DTNA: variants seen among roughly 807,000 people sequenced by gnomAD.
DTNA encodes dystrobrevin alpha, also known as dystrophin-related protein 3.
In DTNA, 43 loss-of-function variants were observed where a neutral mutation model predicts 100.7. The ratio of observed to expected loss-of-function variants is 0.43; its 90% CI spans 0.33 to 0.55. DTNA has a LOEUF of 0.55. Ranked by LOEUF, DTNA falls within the 20% of genes least tolerant of loss-of-function variation. DTNA has a pLI of 0.04. For missense variants in DTNA, 798 were observed against 953.9 expected (o/e 0.84, Z 2.15); for synonymous variants, 349 against 347.9 (o/e 1.00, Z -0.04).
At chr18:34,566,486 T>C (rs1351979549) in intron 1 of DTNA, among the ~76,000 whole-genome samples, 1 of 152,224 alleles carries the variant, frequency 6.6e-6, no homozygotes, top group East Asian at 1.9e-4. Context: ...CTTCCCTTCA[T>C]AACACCCAAT....
At chr18:34,568,135 T>A (rs888325711) in intron 1 of DTNA, among the ~76,000 whole-genome samples, 2 of 151,996 alleles carry the variant, frequency 1.3e-5, no homozygotes, top group Non-Finnish European at 2.9e-5. Flanking sequence ...TCACACTAGA[T>A]GAAGGGTAAT....
chr18:34,625,668 G>A (rs1343260275), intron 1 of DTNA, among the ~76,000 whole-genome samples: 1 of 152,108 alleles, frequency 6.6e-6, no homozygotes, highest in African/African-American at 2.4e-5. Context: ...GTATGCAAAA[G>A]AATAAAAAGT....
chr18:34,518,053 T>C (rs987637073), intron 1 of DTNA, among the ~76,000 whole-genome samples: 15 of 152,176 alleles, frequency 9.9e-5, no homozygotes, highest in African/African-American at 3.6e-4. Context: ...CCATAAACAA[T>C]GTGTGAGGGA....
At chr18:34,877,320 C>T (rs886374247) in intron 18 of DTNA, among the ~76,000 whole-genome samples, 3 of 152,104 alleles carry the variant, frequency 2.0e-5, no homozygotes, top group Non-Finnish European at 2.9e-5. Flanking sequence ...GCTAGGAAGG[C>T]GCAGCTCTCC....
intron 1 of DTNA, among the ~76,000 whole-genome samples, chr18:34,623,034 A>G (rs2056780593): frequency 6.6e-6 from 1 of 152,164 alleles, no homozygotes; most frequent in Admixed American, 6.5e-5. Flanking sequence ...CTCTCTTAAA[A>G]ATAGGAAATA....
At chr18:34,585,324 T>G (rs2049018790) in intron 1 of DTNA, among the ~76,000 whole-genome samples, 1 of 151,734 alleles carries the variant, frequency 6.6e-6, no homozygotes, top group East Asian at 1.9e-4. Flanking sequence ...TATTGGAGAG[T>G]TTGAGGAAAT....
chr18:34,506,941 GA>G (rs1357331572), intron 1 of DTNA, among the ~76,000 whole-genome samples: 25 of 152,142 alleles, frequency 1.6e-4, no homozygotes, highest in Admixed American at 1.6e-3. Flanking sequence ...AGCATAAACT[GA>G]AAAAATATCA....
Position 34,652,092 on chromosome 18 carries a change from AAGGAAGGAAGGT to A in DTNA, c.-1-103872_-1-103861del, listed in dbSNP as rs1270836394. ...AAAGAAAGAAAAGAAAAAAGGAAGG[AAGGAAGGAAGGT>A]AGGAAGGAAGGAGAGAAGAAAAGAA... On this transcript the variant is annotated intron_variant, in intron 1 of 19. Transcript: ENST00000283365. Among the ~76,000 whole-genome samples, 693 of 151,338 alleles carry A rather than the reference AAGGAAGGAAGGT, an allele frequency of 4.6e-3. 6 individuals carry two copies. Among genetic ancestry groups the A allele is most frequent in the African/African-American group, 0.016 (644 of 41,176 alleles).
intron 1 of DTNA, among the ~76,000 whole-genome samples, chr18:34,628,579 G>T (rs2148040505): frequency 6.6e-6 from 1 of 152,222 alleles, no homozygotes; most frequent in African/African-American, 2.4e-5. Context: ...CCTTTTCAAA[G>T]AATTGCTTAT....
At chr18:34,612,570 CT>C (rs2054436845) in intron 1 of DTNA, among the ~76,000 whole-genome samples, 1 of 152,088 alleles carries the variant, frequency 6.6e-6, no homozygotes. Flanking sequence ...CCACTTCCAT[CT>C]TTCTGGAAAA....
At chr18:34,607,753 C>CA (rs1423853439) in intron 1 of DTNA, among the ~76,000 whole-genome samples, 1 of 152,168 alleles carries the variant, frequency 6.6e-6, no homozygotes, top group Non-Finnish European at 1.5e-5. Flanking sequence ...CACAAACACT[C>CA]AAAGTTCTGG....
At position 34,647,448 on chromosome 18, in the gene DTNA, A is replaced by G. The variant is rs536400223; in HGVS notation, c.-1-108528A>G. 2.2e-3 allele frequency among the ~76,000 whole-genome samples: 341 copies of G among 152,346 alleles called. 3 individuals are homozygous for G. The highest frequency in any genetic ancestry group is 7.4e-3 in the African/African-American group (309 of 41,588). On this transcript the variant is annotated intron_variant, in intron 1 of 19. Coordinates refer to the DTNA transcript ENST00000283365. ...GGCAGCTTTACAGGAGCAGGCGCCT[A>G]GAAGTACCTCGTATCACCTTTGTTC...
Position 34,808,075 on chromosome 18 carries a change from G to T in DTNA, c.448+1771G>T, listed in dbSNP as rs184842593. Among the ~76,000 whole-genome samples the T allele has an allele frequency of 8.5e-5, 13 of 152,160 alleles. No individual in the cohort carries two copies. In the East Asian group the frequency reaches 2.5e-3, roughly 29 times the overall value. The stretch of plus-strand genomic sequence containing the variant: ...AAAAGCTAAACAAAAAAATCCACTT[G>T]AGAGACATCTAAAAATACCTGTTTA... On this transcript the variant is annotated intron_variant, in intron 5 of 22. Transcript: ENST00000444659.
chr18:34,523,278 A>G (rs77702493), intron 1 of DTNA, among the ~76,000 whole-genome samples: 14,815 of 152,248 alleles, frequency 0.097, 897 homozygotes, highest in Non-Finnish European at 0.14. Context: ...TTGTTTTAAT[A>G]AAATGAGAAC....
intron 1 of DTNA, among the ~76,000 whole-genome samples, chr18:34,642,280 G>A (rs1415141577): frequency 6.6e-6 from 1 of 152,142 alleles, no homozygotes; most frequent in Non-Finnish European, 1.5e-5. Context: ...CCCCTTAAAG[G>A]TTGCCCAACT....
chr18:34,887,688 G>C, intron 22 of DTNA, 78 bp from the exon 23 acceptor site: 1 of 978,534 alleles, frequency 1.0e-6, no homozygotes, highest in African/African-American at 1.7e-5. Context: ...TTGGGGAAAG[G>C]GGGGATCCTA....
At chr18:34,675,958 T>C (rs2077348219) in intron 1 of DTNA, among the ~76,000 whole-genome samples, 1 of 152,154 alleles carries the variant, frequency 6.6e-6, no homozygotes, top group South Asian at 2.1e-4. Context: ...CAGGGGAATA[T>C]ATCAAAATAA....
chr18:34,634,365 A>T (rs2058428342), intron 1 of DTNA, among the ~76,000 whole-genome samples: 1 of 152,196 alleles, frequency 6.6e-6, no homozygotes, highest in South Asian at 2.1e-4. Context: ...TTACTTACCT[A>T]TTAAGTCAAA....
At chr18:34,713,732 C>T (rs1369620903) in intron 1 of DTNA, among the ~76,000 whole-genome samples, 1 of 152,008 alleles carries the variant, frequency 6.6e-6, no homozygotes, top group Non-Finnish European at 1.5e-5. Flanking sequence ...GCAGTATGGC[C>T]ATTTCCACGA....
Sources: allele counts gnomAD v4.1 joint callset (sites outside exome capture counted in the v4.1 genomes callset), GRCh38; gene constraint gnomAD v4.1.1; transcripts MANE v1.5; gene names NCBI Gene and HGNC (gene_info 2026-07-23, HGNC 2026-07-21).